The following ALK variants were observed in gnomAD, a reference collection of about 807,000 sequenced individuals.
ALK encodes ALK tyrosine kinase receptor.
Under a neutral mutation model 163.1 loss-of-function variants are expected in ALK, and 74 were observed. That is an observed-to-expected ratio of 0.45 (90% CI 0.38 to 0.55). The LOEUF is 0.55. Ranked by LOEUF, ALK falls within the 20% of genes least tolerant of loss-of-function variation. The pLI, the probability that ALK is intolerant of heterozygous loss-of-function variation, is 0.00. For missense variants in ALK, 2,063 were observed against 2,105.3 expected (o/e 0.98, Z 0.39); for synonymous variants, 960 against 843.2 (o/e 1.14, Z -2.40).
At chr2:29,738,219 C>T (rs1368450767) in intron 1 of ALK, among the ~76,000 whole-genome samples, 3 of 151,884 alleles carry the variant, frequency 2.0e-5, no homozygotes, top group Non-Finnish European at 2.9e-5. Context: ...TACACAAAAC[C>T]GAGCATCACG....
At chr2:29,719,765 T>C (rs1489240699) in intron 1 of ALK, among the ~76,000 whole-genome samples, 1 of 152,062 alleles carries the variant, frequency 6.6e-6, no homozygotes, top group Non-Finnish European at 1.5e-5. Context: ...CTTTCACCAC[T>C]CTGCACAGGC....
At chr2:29,474,510 C>T (rs535483303) in intron 4 of ALK, among the ~76,000 whole-genome samples, 17 of 152,286 alleles carry the variant, frequency 1.1e-4, no homozygotes, top group South Asian at 2.1e-4. Flanking sequence ...ATAGCAACGA[C>T]GGCTGGTTGT....
intron 8 of ALK, among the ~76,000 whole-genome samples, chr2:29,305,226 G>A (rs1455000080): frequency 2.6e-5 from 4 of 152,070 alleles, no homozygotes; most frequent in Non-Finnish European, 5.9e-5. Flanking sequence ...TTCCTGCAGC[G>A]GGGAGTCTGC....
intron 1 of ALK, among the ~76,000 whole-genome samples, chr2:29,906,427 A>C (rs1667550939): frequency 6.6e-6 from 1 of 152,184 alleles, no homozygotes; most frequent in African/African-American, 2.4e-5. Flanking sequence ...TTTTTAAAGA[A>C]AAGGGATAGG....
chr2:29,330,033 C>T (rs1277432332), intron 5 of ALK, among the ~76,000 whole-genome samples: 1 of 152,192 alleles, frequency 6.6e-6, no homozygotes, highest in Non-Finnish European at 1.5e-5. Context: ...CTAGGGTAGT[C>T]CAGATAAGGC....
intron 4 of ALK, among the ~76,000 whole-genome samples, chr2:29,522,135 C>G (rs1381947051): frequency 6.6e-6 from 1 of 152,166 alleles, no homozygotes; most frequent in Admixed American, 6.5e-5. Flanking sequence ...TAGTTACCAT[C>G]CATAGAGTGG....
At chr2:29,586,694 T>G (rs1035435200) in intron 3 of ALK, among the ~76,000 whole-genome samples, 1 of 152,214 alleles carries the variant, frequency 6.6e-6, no homozygotes, top group Non-Finnish European at 1.5e-5. Flanking sequence ...CGACAACTTG[T>G]GCAGTGTGAT....
At position 29,233,683 on chromosome 2, in the gene ALK, A is replaced by G; in HGVS notation, c.2369T>C (p.Ile790Thr). 6.2e-7 allele frequency: 1 copy of G among 1,614,232 alleles called. No individual in the cohort carries two copies. The highest frequency in any genetic ancestry group is 8.5e-7 in the Non-Finnish European group (1 of 1,180,044). Residue 790 changes from isoleucine (I) to threonine (T), a missense_variant, in exon 14 of 29, where the codon ATC becomes ACC. By Grantham distance (89) the Ile-to-Thr change is moderately conservative. Transcript: ENST00000389048. ...EDACPSTNQL[I>T]QKVCIGENNV... ...GTTCTCTCCAATGCAGACTTTCTGG[A>G]TTAACTGGTTTGTCTGTAGAAACAA...
chr2:29,357,818 G>T (rs967152138), intron 5 of ALK, among the ~76,000 whole-genome samples: 1 of 152,188 alleles, frequency 6.6e-6, no homozygotes, highest in African/African-American at 2.4e-5. Flanking sequence ...AGGAGGAAAG[G>T]ATTATTCCCT....
rs554559213 is a variant in ALK at position 29,234,538 on chromosome 2, C to T, written c.2356-842G>A. On this transcript the variant is annotated intron_variant, in intron 13 of 28. Transcript: ENST00000389048. ...TTTTTTCCCTCCGGAATCCCTGGCACACCCCTCTGCTTGCCTTGTAGAGTG... is the reference window on the plus strand; with the variant it reads ...TTTTTTCCCTCCGGAATCCCTGGCATACCCCTCTGCTTGCCTTGTAGAGTG... 2.6e-5 allele frequency among the ~76,000 whole-genome samples: 4 copies of T among 152,216 alleles called. No individual in the cohort carries two copies. In the South Asian group the frequency reaches 8.3e-4, roughly 32 times the overall value.
At chr2:29,677,014 A>G (rs1400715744) in intron 3 of ALK, among the ~76,000 whole-genome samples, 1 of 151,978 alleles carries the variant, frequency 6.6e-6, no homozygotes, top group African/African-American at 2.4e-5. Flanking sequence ...TGTTTGTTAA[A>G]TTAGCTTTCA....
chr2:29,243,058 T>C (rs1664564288), intron 12 of ALK, among the ~76,000 whole-genome samples: 1 of 152,208 alleles, frequency 6.6e-6, no homozygotes, highest in Non-Finnish European at 1.5e-5. Context: ...AAGCTTCTAG[T>C]TGCTACTACA....
intron 4 of ALK, among the ~76,000 whole-genome samples, chr2:29,391,639 C>CT (rs1669177541): frequency 1.3e-5 from 2 of 152,050 alleles, no homozygotes; most frequent in African/African-American, 4.8e-5. Flanking sequence ...CTAACTTCCC[C>CT]TTTTTTTCTC....
chr2:29,690,113 G>A (rs1312209943), intron 3 of ALK, among the ~76,000 whole-genome samples: 6 of 152,194 alleles, frequency 3.9e-5, no homozygotes, highest in Non-Finnish European at 7.3e-5. Context: ...TACAACAGGA[G>A]TGCATCAAAA....
chr2:29,291,586 A>T (rs1666024106), intron 9 of ALK, among the ~76,000 whole-genome samples: 1 of 152,212 alleles, frequency 6.6e-6, no homozygotes, highest in African/African-American at 2.4e-5. Context: ...TTAAGGATGA[A>T]ATTAGATAAT....
intron 1 of ALK, among the ~76,000 whole-genome samples, chr2:29,910,878 T>C (rs929788493): frequency 1.3e-5 from 2 of 152,078 alleles, no homozygotes; most frequent in Non-Finnish European, 2.9e-5. Context: ...TGATTCAACA[T>C]AGAAATGAGA....
At chr2:29,563,621 G>A (rs1573458879) in intron 3 of ALK, among the ~76,000 whole-genome samples, 1 of 152,306 alleles carries the variant, frequency 6.6e-6, no homozygotes, top group South Asian at 2.1e-4. Context: ...GGGTATAACA[G>A]TGAAAAGGAG....
intron 3 of ALK, among the ~76,000 whole-genome samples, chr2:29,550,764 A>G (rs1370920572): frequency 6.6e-6 from 1 of 152,188 alleles, no homozygotes; most frequent in East Asian, 1.9e-4. Flanking sequence ...TATAATTTAG[A>G]AAAGAAATGG....
rs190693274 is a variant in ALK, at chr2:29,779,088, G to A, written c.668-61391C>T. ...GGAGAATGGCAGGAACCTGGGAGGC[G>A]GAGCTTGCAGTGAGCCGAGATCGTG... On this transcript the variant is annotated intron_variant, in intron 1 of 28. Coordinates refer to ENST00000389048, the MANE Select transcript of ALK (RefSeq NM_004304.5). 6.5e-3 allele frequency among the ~76,000 whole-genome samples: 996 copies of A among 152,132 alleles called. 15 individuals carry two copies. The highest frequency in any genetic ancestry group is 0.022 in the African/African-American group (905 of 41,510).
Sources: gnomAD v4.1 joint callset for allele counts (sites outside exome capture counted in the v4.1 genomes callset) on GRCh38, gnomAD v4.1.1 for gene constraint, MANE v1.5 for transcripts, NCBI Gene and HGNC (gene_info 2026-07-23, HGNC 2026-07-21) for gene names.